BRWD1: variants seen among roughly 807,000 people sequenced by gnomAD.
BRWD1 encodes the protein bromodomain and WD repeat domain containing 1, also known as bromodomain and WD repeat-containing protein 1.
A neutral mutation model predicts 251.2 loss-of-function variants in BRWD1; 82 were observed. The ratio of observed to expected loss-of-function variants is 0.33; its 90% CI spans 0.27 to 0.39. The LOEUF (loss-of-function observed/expected upper bound fraction) is 0.39, where lower values mean the gene tolerates loss of function less well. Ranked by LOEUF, BRWD1 falls within the 10% of genes least tolerant of loss-of-function variation. The pLI is 1.00. For synonymous variants in BRWD1, 918 were observed against 902.8 expected, an observed-to-expected ratio of 1.02 and a Z score of -0.30; for missense variants, 2,233 against 2,711.6, an observed-to-expected ratio of 0.82 and a Z score of 3.92.
intron 40 of BRWD1, 126 bp from the exon 41 acceptor site, chr21:39,197,541 C>A: frequency 1.4e-6 from 1 of 713,740 alleles, no homozygotes. Flanking sequence ...TGGAATGGTA[C>A]ACACCTATTA....
At chr21:39,216,382 A>C (rs2032893232) in intron 31 of BRWD1, among the ~76,000 whole-genome samples, 1 of 152,224 alleles carries the variant, frequency 6.6e-6, no homozygotes, top group South Asian at 2.1e-4. Context: ...GTTATCTAAC[A>C]ACTTAACAAA....
chr21:39,201,488 A>G (rs2032106905), intron 38 of BRWD1, among the ~76,000 whole-genome samples: 1 of 152,204 alleles, frequency 6.6e-6, no homozygotes, highest in South Asian at 2.1e-4. Context: ...GTTTGATCCC[A>G]TTGTTTGTAA....
chr21:39,268,116 G>C (rs1411630224), intron 15 of BRWD1, among the ~76,000 whole-genome samples: 1 of 152,112 alleles, frequency 6.6e-6, no homozygotes, highest in Non-Finnish European at 1.5e-5. Flanking sequence ...TCCAATACTT[G>C]TGGGTAAAAA....
At chr21:39,239,688 TC>T (rs2033925736) in intron 21 of BRWD1, among the ~76,000 whole-genome samples, 1 of 152,196 alleles carries the variant, frequency 6.6e-6, no homozygotes, top group Non-Finnish European at 1.5e-5. Context: ...AATCAGTTTG[TC>T]AGTAAAATTA....
At chr21:39,253,743 A>C (rs982393434) in intron 19 of BRWD1, among the ~76,000 whole-genome samples, 15 of 152,226 alleles carry the variant, frequency 9.9e-5, no homozygotes, top group African/African-American at 3.6e-4. Flanking sequence ...AAAAACACAA[A>C]GATAAATTTA....
At chr21:39,276,433 T>C (rs1321929722) in intron 11 of BRWD1, among the ~76,000 whole-genome samples, 1 of 152,138 alleles carries the variant, frequency 6.6e-6, no homozygotes, top group East Asian at 1.9e-4. Context: ...GAAAGGCACA[T>C]CTAACAGGAA....
chr21:39,234,841 A>G (rs1022321168), intron 23 of BRWD1, among the ~76,000 whole-genome samples: 5 of 152,238 alleles, frequency 3.3e-5, no homozygotes, highest in African/African-American at 9.6e-5. Context: ...TCACATCATC[A>G]GTGAAAACTG....
At chr21:39,274,300 A>AGAGC (rs764503027) in intron 13 of BRWD1, 74 bp downstream of exon 13, 1 of 1,078,032 alleles carries the variant, frequency 9.3e-7, no homozygotes, top group African/African-American at 1.7e-5. Flanking sequence ...AGAGACACAG[A>AGAGC]GAGCGAGAGA....
At chr21:39,316,856 A>G (rs896779778), upstream of BRWD1, among the ~76,000 whole-genome samples, 2 of 136,170 alleles carry the variant, frequency 1.5e-5, no homozygotes, top group Non-Finnish European at 3.4e-5. Flanking sequence ...GAGAATGGCT[A>G]GAGCCGGGGG....
At position 39,296,444 on chromosome 21, in the gene BRWD1, T is replaced by C. The variant is rs559773360; in HGVS notation, c.350-81A>G. 4 of 1,379,488 alleles carry C rather than the reference T, an allele frequency of 2.9e-6. No individual in the cohort carries two copies. In the Admixed American group the frequency reaches 8.8e-5, roughly 30 times the overall value. 85.5% of individuals were successfully genotyped at this position (1,379,488 alleles called of 1,614,324 possible). ...TTTTATAGAATACTTACGTATATTG[T>C]AATAAACTGTTTATTCAACATTTTA... On this transcript the variant is annotated intron_variant, in intron 5 of 40. Transcript: ENST00000342449.
intron 29 of BRWD1, among the ~76,000 whole-genome samples, chr21:39,220,215 G>T (rs1293413628): frequency 6.6e-6 from 1 of 152,114 alleles, no homozygotes; most frequent in Non-Finnish European, 1.5e-5. Flanking sequence ...GGTGAATACT[G>T]ATCAACCCAC....
intron 23 of BRWD1, 81 bp downstream of exon 23, chr21:39,236,513 AG>A: frequency 8.0e-7 from 1 of 1,255,658 alleles, no homozygotes; most frequent in Non-Finnish European, 1.1e-6. Context: ...CAGTATCACG[AG>A]AAATGTTAAA....
In BRWD1 at chr21:39,258,570, T is replaced by C; in HGVS notation, c.1988A>G (p.Gln663Arg). The change falls in exon 18 of 41, where the codon CAG becomes CGG. Residue 663 changes from glutamine (Q) to arginine (R), a missense_variant. Physicochemically the swap from Gln to Arg is conservative, Grantham distance 43. Coordinates refer to ENST00000342449, the MANE Select transcript of BRWD1 (RefSeq NM_033656.4). ...TCCCATTCTCTGATCTTGCTGCTGC[T>C]GCAACTGTCTTATCATTCCATCAAG... ...SILDGMIRQL[Q>R]QQQDQRMGAD... is the part of the protein sequence containing the mutation. 6.2e-7 allele frequency: 1 copy of C among 1,613,736 alleles called. No individual in the cohort carries two copies. Among genetic ancestry groups the C allele is most frequent in the Non-Finnish European group, 8.5e-7 (1 of 1,179,762 alleles).
intron 29 of BRWD1, among the ~76,000 whole-genome samples, chr21:39,223,973 C>G (rs547831731): frequency 4.5e-4 from 68 of 152,176 alleles, no homozygotes; most frequent in African/African-American, 1.5e-3. Context: ...CTCAGCCTCC[C>G]AAGTAGCTGG....
Position 39,210,002 on chromosome 21 carries a change from C to CT in BRWD1, c.4189dup (p.Arg1397LysfsTer6). ...AACCACATAAAAAATTACCTTTGATCTTTTGTTTGGTGTATACGCTTTTGC... is the reference window on the plus strand; with the variant it reads ...AACCACATAAAAAATTACCTTTGATCTTTTTGTTTGGTGTATACGCTTTTGC... On this transcript the variant is annotated frameshift_variant, in exon 36 of 41. Coordinates refer to ENST00000342449, the MANE Select transcript of BRWD1 (RefSeq NM_033656.4). LOFTEE classifies it high-confidence loss of function. The CT allele has an allele frequency of 6.2e-7, 1 of 1,609,906 alleles. No individual in the cohort carries two copies. The highest frequency in any genetic ancestry group is 8.5e-7 in the Non-Finnish European group (1 of 1,178,006).
rs1314214486 is a variant in BRWD1, at chr21:39,298,517, C to T, written c.264G>A (p.Met88Ile). ...LLQICQRIGP[M>I]LDKEIPPSIS... ...TACTGGGTGGAATTTCTTTATCCAA[C>T]ATAGGACCGATGCGCTGGCAGATTT... The change falls in exon 5 of 41, where the codon ATG becomes ATA. Residue 88 changes from methionine to isoleucine, a missense_variant. Physicochemically the swap from Met to Ile is conservative, Grantham distance 10. Transcript: ENST00000342449. 1 of 1,611,304 alleles carries T rather than the reference C, an allele frequency of 6.2e-7. No individual in the cohort carries two copies. The highest frequency in any genetic ancestry group is 8.5e-7 in the Non-Finnish European group (1 of 1,179,194).
intron 8 of BRWD1, among the ~76,000 whole-genome samples, chr21:39,286,254 G>A (rs1205179765): frequency 2.0e-5 from 3 of 152,086 alleles, no homozygotes; most frequent in Non-Finnish European, 4.4e-5. Flanking sequence ...TGCTGACCTC[G>A]TGATCTGCCC....
chr21:39,290,007 A>G (rs1008269325), intron 8 of BRWD1, among the ~76,000 whole-genome samples: 3 of 149,318 alleles, frequency 2.0e-5, no homozygotes, highest in Non-Finnish European at 3.0e-5. Context: ...CCTGGGTGAC[A>G]GAGTGAGACT....
At chr21:39,266,678 T>C (rs1187453795) in intron 15 of BRWD1, among the ~76,000 whole-genome samples, 1 of 152,242 alleles carries the variant, frequency 6.6e-6, no homozygotes. Flanking sequence ...TATACAATGA[T>C]TCCTGACAAA....
Sources: allele counts gnomAD v4.1 joint callset (sites outside exome capture counted in the v4.1 genomes callset), GRCh38; gene constraint gnomAD v4.1.1; transcripts MANE v1.5; gene names NCBI Gene and HGNC (gene_info 2026-07-23, HGNC 2026-07-21).